ZBTB24: variants seen among roughly 807,000 people sequenced by gnomAD.
The protein encoded by ZBTB24 is zinc finger and BTB domain-containing protein 24.
A neutral mutation model predicts 53.8 loss-of-function variants in ZBTB24; 32 were observed. The ratio of observed to expected loss-of-function variants is 0.60; its 90% CI spans 0.45 to 0.80. ZBTB24 has a LOEUF of 0.80. Ranked by LOEUF, ZBTB24 falls within the 30% of genes least tolerant of loss-of-function variation. The probability of loss-of-function intolerance (pLI) is 0.00; values close to 1 mark genes in which losing one functional copy is unlikely to be tolerated. For synonymous variants in ZBTB24, 297 were observed against 306.7 expected (o/e 0.97, Z 0.33); for missense variants, 722 against 837.1 (o/e 0.86, Z 1.70).
intron 5 of ZBTB24, among the ~76,000 whole-genome samples, chr6:109,472,899 C>T (rs1776195833): frequency 6.6e-6 from 1 of 152,158 alleles, no homozygotes; most frequent in South Asian, 2.1e-4. Flanking sequence ...AGAACTGGAC[C>T]ACCTGACACC....
intron 2 of ZBTB24, among the ~76,000 whole-genome samples, chr6:109,480,672 C>T (rs747218415): frequency 2.0e-5 from 3 of 152,192 alleles, no homozygotes; most frequent in Non-Finnish European, 2.9e-5. Context: ...AAGCAGGGTA[C>T]ATTGGGCTAG....
Position 109,476,251 on chromosome 6 carries a change from C to T in ZBTB24, c.1128G>A (p.Lys376=), listed in dbSNP as rs768354652. ...TTCCGCATTGATCACAGGTAAAAGA[C>T]TTCTGTCCTGCCAAAAAAACCAAAA... ...LEHMSLHSGQ[K]SFTCDQCGKY... The change falls in exon 4 of 7, where the codon AAG becomes AAA. Residue 376 remains lysine, a synonymous_variant. Coordinates refer to ENST00000230122, the MANE Select transcript of ZBTB24 (RefSeq NM_014797.3). 6.8e-6 allele frequency: 11 copies of T among 1,614,016 alleles called. No individual in the cohort carries two copies. In the South Asian group the frequency reaches 1.2e-4, roughly 18 times the overall value.
rs1582667385 is a variant in ZBTB24, at chr6:109,465,746, C to G, written c.*105G>C. 2 of 1,611,896 alleles carry G rather than the reference C, an allele frequency of 1.2e-6. No homozygotes were observed. The highest frequency in any genetic ancestry group is 2.7e-5 in the African/African-American group (2 of 74,930). On this transcript the variant is annotated 3_prime_UTR_variant, in exon 7 of 7. Transcript: ENST00000230122. Reference sequence around the variant, plus strand: ...TTAGCCATCACAGCTCTCACAGAAGCATCTGCAAGTCAATGGTGTGGAGAG... The same window carrying G: ...TTAGCCATCACAGCTCTCACAGAAGGATCTGCAAGTCAATGGTGTGGAGAG...
rs768303189 is a variant in ZBTB24 at position 109,481,794 on chromosome 6, A to C, written c.233T>G (p.Met78Arg). Residue 78 changes from methionine to arginine, a missense_variant, in exon 2 of 7, where the codon ATG (methionine) becomes AGG (arginine). Transcript: ENST00000230122. The stretch of plus-strand genomic sequence containing the variant: ...GGTGTCTGCAACCATGCCTTCCAGC[A>C]TATAAATGGATTGGCCGATTTCCCC... ...EEGEIGQSIY[M>R]LEGMVADTFG... 6.2e-7 allele frequency: 1 copy of C among 1,614,278 alleles called. No individual in the cohort carries two copies.
intron 2 of ZBTB24, among the ~76,000 whole-genome samples, 158 bp from the exon 3 acceptor site, chr6:109,477,088 T>C (rs1231000529): frequency 6.6e-6 from 1 of 152,202 alleles, no homozygotes; most frequent in Non-Finnish European, 1.5e-5. Flanking sequence ...TTTTGGAAGC[T>C]GAACAGATGA....
At chr6:109,480,326 C>T (rs991294832) in intron 2 of ZBTB24, among the ~76,000 whole-genome samples, 27 of 152,164 alleles carry the variant, frequency 1.8e-4, no homozygotes, top group African/African-American at 6.5e-4. Context: ...GAAGGGATTT[C>T]TCACTAGGAC....
At position 109,483,138 on chromosome 6, in the gene ZBTB24, C is replaced by A. The variant is rs540689524; in HGVS notation, c.-69G>T. 1.5e-4 allele frequency: 23 copies of A among 152,284 alleles called. No individual in the cohort carries two copies. The East Asian group carries it at 4.1e-3, about 27-fold the overall frequency. The allele number at this position is 152,284 out of a possible 1,614,324, so 9.4% of individuals were successfully genotyped here. The stretch of plus-strand genomic sequence containing the variant: ...GAGACCCACGCCGGGGCCCGCTGGC[C>A]CTCCGCTCCGCCCCGCCCGCCTCTG... On this transcript the variant is annotated 5_prime_UTR_variant, in exon 1 of 7. Transcript: ENST00000230122.
intron 5 of ZBTB24, among the ~76,000 whole-genome samples, chr6:109,468,547 G>A (rs1022689399): frequency 6.6e-6 from 1 of 151,796 alleles, no homozygotes; most frequent in African/African-American, 2.4e-5. Flanking sequence ...ACCACCAAGA[G>A]CACTACAAAC....
rs767896629 is a variant in ZBTB24 at position 109,481,175 on chromosome 6, T to C, written c.852A>G (p.Gly284=). 3.7e-6 allele frequency: 6 copies of C among 1,614,212 alleles called. No homozygotes were observed. In the South Asian group the frequency reaches 6.6e-5, roughly 18 times the overall value. The change falls in exon 2 of 7, where the codon GGA becomes GGG. Residue 284 remains glycine, a synonymous_variant. Transcript: ENST00000230122. ...CAGGGCCTCCAGGGCGCTTTCTCCT[T>C]CCACAGATCCTCTTGGCTGAACCAT... The part of the protein sequence containing the change: ...EDHGSAKRIC[G]RRKRPGGPEA...
intron 5 of ZBTB24, among the ~76,000 whole-genome samples, chr6:109,470,619 TCA>T (rs1776145693): frequency 6.6e-6 from 1 of 152,218 alleles, no homozygotes; most frequent in Admixed American, 6.5e-5. Context: ...CCCTCAGCTG[TCA>T]CATTCACCTG....
intron 2 of ZBTB24, among the ~76,000 whole-genome samples, chr6:109,477,618 C>A (rs533295810): frequency 8.5e-5 from 13 of 152,282 alleles, no homozygotes; most frequent in Admixed American, 8.5e-4. Flanking sequence ...GTCCCTCCCC[C>A]AAAAGAGAAT....
chr6:109,482,103 G>A, intron 1 of ZBTB24, 49 bp from the exon 2 acceptor site: 1 of 1,278,012 alleles, frequency 7.8e-7, no homozygotes, highest in Non-Finnish European at 1.1e-6. Context: ...TGTCTAAAAG[G>A]TTAATGCCAG....
chr6:109,476,171 G>A lies in ZBTB24; in HGVS notation c.1204+4C>T, dbSNP rs369193786. 8.7e-6 allele frequency: 14 copies of A among 1,613,238 alleles called. No homozygotes were observed. The highest frequency in any genetic ancestry group is 6.7e-5 in the African/African-American group (5 of 74,940). ...CCAATCTAAATGTTCTCACTTTATC[G>A]TACCTGTATGAACTCGGTAATGGCT... On this transcript the variant is annotated splice_donor_region_variant and intron_variant, in intron 4 of 6. Transcript: ENST00000230122.
At chr6:109,467,149 T>C (rs1414988948) in intron 6 of ZBTB24, among the ~76,000 whole-genome samples, 1 of 152,212 alleles carries the variant, frequency 6.6e-6, no homozygotes, top group Non-Finnish European at 1.5e-5. Context: ...ATTTAATAAA[T>C]GAAATCAGTA....
chr6:109,477,961 A>T (rs1442013406), intron 2 of ZBTB24, among the ~76,000 whole-genome samples: 1 of 152,252 alleles, frequency 6.6e-6, no homozygotes. Context: ...CAACTGTTTC[A>T]GTACTGACTG....
At chr6:109,473,791 AC>A (rs1258482824) in intron 5 of ZBTB24, among the ~76,000 whole-genome samples, 1 of 152,146 alleles carries the variant, frequency 6.6e-6, no homozygotes, top group Non-Finnish European at 1.5e-5. Context: ...TATTTAAAAA[AC>A]AACATCCAGG....
chr6:109,467,745 C>A lies in ZBTB24; in HGVS notation c.1289-11G>T, dbSNP rs1776078732. The A allele has an allele frequency of 1.2e-6, 2 of 1,611,144 alleles. No homozygotes were observed. The highest frequency in any genetic ancestry group is 1.7e-6 in the Non-Finnish European group (2 of 1,179,184). On this transcript the variant is annotated splice_polypyrimidine_tract_variant and intron_variant, in intron 5 of 6. Transcript: ENST00000230122. ...TAAATGGCTTCTCACCTAAAAAAAA[C>A]AAAAACAAAAACAAAAAACCCAAAA...
At chr6:109,479,126 C>T (rs183436849) in intron 2 of ZBTB24, among the ~76,000 whole-genome samples, 1 of 152,292 alleles carries the variant, frequency 6.6e-6, no homozygotes, top group African/African-American at 2.4e-5. Context: ...TGAAATAACT[C>T]AAGATTTTCC....
At chr6:109,467,551 A>G in intron 6 of ZBTB24, 102 bp downstream of exon 6, 3 of 1,589,238 alleles carry the variant, frequency 1.9e-6, no homozygotes, top group Non-Finnish European at 8.6e-7. Context: ...AATTCTGCAA[A>G]GTAACAACTG....
Sources: gnomAD v4.1 joint callset for allele counts (sites outside exome capture counted in the v4.1 genomes callset) on GRCh38, gnomAD v4.1.1 for gene constraint, MANE v1.5 for transcripts, NCBI Gene and HGNC (gene_info 2026-07-23, HGNC 2026-07-21) for gene names.